Variants in ELSPBP1 observed in about 807,000 individuals in gnomAD.
The protein encoded by ELSPBP1 is epididymal sperm-binding protein 1.
ELSPBP1 carries 38 observed loss-of-function variants against 33.3 expected under a neutral mutation model. The ratio of observed to expected loss-of-function variants is 1.14; its 90% CI spans 0.88 to 1.50. ELSPBP1 has a LOEUF of 1.50. Ranked by LOEUF, ELSPBP1 falls within the 40% of genes most tolerant of loss-of-function variation. The probability of loss-of-function intolerance (pLI) is 0.00; values close to 1 mark genes in which losing one functional copy is unlikely to be tolerated. For synonymous variants in ELSPBP1, 85 were observed against 94.1 expected, an observed-to-expected ratio of 0.90 and a Z score of 0.56; for missense variants, 267 against 263.5, an observed-to-expected ratio of 1.01 and a Z score of -0.09.
intron 2 of ELSPBP1, among the ~76,000 whole-genome samples, 169 bp from the exon 3 acceptor site, chr19:48,014,002 G>A (rs959584760): frequency 2.6e-5 from 4 of 151,700 alleles, no homozygotes; most frequent in African/African-American, 9.8e-5. Flanking sequence ...CCTTCCAAAG[G>A]CCCCTCGTAC....
chr19:48,020,449 T>C (rs913120682), intron 5 of ELSPBP1, among the ~76,000 whole-genome samples: 14 of 152,246 alleles, frequency 9.2e-5, no homozygotes, highest in African/African-American at 3.4e-4. Context: ...AGCATCCCCT[T>C]GTTCCCCCTT....
At chr19:47,996,461 T>A (rs764702391) in intron 1 of ELSPBP1, among the ~76,000 whole-genome samples, 2 of 151,756 alleles carry the variant, frequency 1.3e-5, no homozygotes, top group Non-Finnish European at 2.9e-5. Context: ...GATGAGTGGA[T>A]AGATAGATGG....
chr19:47,999,887 A>G (rs964837141), intron 1 of ELSPBP1, among the ~76,000 whole-genome samples: 10 of 151,048 alleles, frequency 6.6e-5, no homozygotes, highest in African/African-American at 2.4e-4. Flanking sequence ...CAGTGGTGCA[A>G]TCATAGCTCA....
chr19:48,013,716 C>CAA (rs35241354), intron 2 of ELSPBP1, among the ~76,000 whole-genome samples: 22,362 of 134,908 alleles, frequency 0.17, 1,728 homozygotes, highest in South Asian at 0.23. Flanking sequence ...GACTTCATCT[C>CAA]AAAAAAAAAA....
chr19:48,020,935 A>G (rs1388971411), intron 5 of ELSPBP1, among the ~76,000 whole-genome samples: 1 of 151,754 alleles, frequency 6.6e-6, no homozygotes, highest in Non-Finnish European at 1.5e-5. Flanking sequence ...TGTTGTTCCA[A>G]CAACTTGGGA....
chr19:48,015,808 T>C, intron 3 of ELSPBP1, 85 bp from the exon 4 acceptor site: 3 of 1,331,162 alleles, frequency 2.3e-6, no homozygotes, highest in East Asian at 4.7e-5. Flanking sequence ...TGTCCTGTCC[T>C]ATGATGGTTG....
chr19:48,008,744 A>G lies in ELSPBP1; in HGVS notation c.70+7A>G. 4 of 1,612,082 alleles carry G rather than the reference A, an allele frequency of 2.5e-6. No individual in the cohort carries two copies. The highest frequency in any genetic ancestry group is 3.4e-6 in the Non-Finnish European group (4 of 1,178,454). On this transcript the variant is annotated splice_region_variant and intron_variant, in intron 2 of 6. Transcript: ENST00000339841. ...TCCTATGAGTCAAGTGGAGGTAAGG[A>G]CACTCAAAGCAACAGGGAGGATTTA...
chr19:47,999,950 G>A (rs923248757), intron 1 of ELSPBP1, among the ~76,000 whole-genome samples: 3 of 151,654 alleles, frequency 2.0e-5, no homozygotes, highest in Admixed American at 1.3e-4. Flanking sequence ...AGCCTCCTGA[G>A]TAGCTGGGAC....
intron 4 of ELSPBP1, 39 bp downstream of exon 4, chr19:48,016,078 G>A (rs370402838): frequency 5.0e-6 from 8 of 1,606,782 alleles, no homozygotes; most frequent in Non-Finnish European, 6.8e-6. Flanking sequence ...GTGGTGGGAG[G>A]GAGAGTGGAC....
At chr19:48,022,047 T>C (rs1967206240) in intron 5 of ELSPBP1, 123 bp from the exon 6 acceptor site, 1 of 842,466 alleles carries the variant, frequency 1.2e-6, no homozygotes, top group East Asian at 2.6e-5. Flanking sequence ...AATGCTGGGA[T>C]TAAAGGCGCG....
chr19:48,016,099 C>A (rs781097200), intron 4 of ELSPBP1, 60 bp downstream of exon 4: 267 of 1,584,276 alleles, frequency 1.7e-4, no homozygotes, highest in Non-Finnish European at 2.2e-4. Context: ...AGCATGGATC[C>A]TCCTGAGGGG....
chr19:48,001,957 G>A (rs543681520), intron 1 of ELSPBP1, among the ~76,000 whole-genome samples: 1 of 152,174 alleles, frequency 6.6e-6, no homozygotes, highest in African/African-American at 2.4e-5. Flanking sequence ...TCAGCTTCCT[G>A]AAGTGCTGGG....
chr19:48,018,126 T>G (rs1261672766), intron 4 of ELSPBP1, among the ~76,000 whole-genome samples: 1 of 152,160 alleles, frequency 6.6e-6, no homozygotes, highest in Non-Finnish European at 1.5e-5. Context: ...ATTATTTCCT[T>G]TCTATGGATA....
intron 3 of ELSPBP1, 21 bp from the exon 4 acceptor site, chr19:48,015,872 C>T (rs764314012): frequency 9.4e-6 from 15 of 1,590,744 alleles, no homozygotes; most frequent in Non-Finnish European, 1.2e-5. Flanking sequence ...TTAAGACACT[C>T]ACGAACTCTG....
chr19:48,006,638 A>AAAAAAAAAAAAAAAAAAAAG (rs1967022025), intron 1 of ELSPBP1, among the ~76,000 whole-genome samples: 2 of 92,142 alleles, frequency 2.2e-5, no homozygotes, highest in East Asian at 4.5e-4. Context: ...AAAAAAAAAA[A>AAAAAAAAAAAAAAAAAAAAG]AAAAAAAAAG....
Position 48,004,718 on chromosome 19 carries a change from G to A in ELSPBP1, c.-17-3933G>A, listed in dbSNP as rs112958463. Among the ~76,000 whole-genome samples, 9 of 152,284 alleles carry A rather than the reference G, an allele frequency of 5.9e-5. 1 individual carries two copies. The highest frequency in any genetic ancestry group is 1.9e-4 in the African/African-American group (8 of 41,558). On this transcript the variant is annotated intron_variant, in intron 1 of 6. Transcript: ENST00000339841. The stretch of plus-strand genomic sequence containing the variant: ...ACTCGTCCACAGCAATGATCACAGC[G>A]AAGAGTTGTATTTGTTTCTGGTTTC...
chr19:48,021,861 C>T (rs889302389), intron 5 of ELSPBP1, among the ~76,000 whole-genome samples: 3 of 152,094 alleles, frequency 2.0e-5, no homozygotes, highest in Non-Finnish European at 4.4e-5. Context: ...ATCCTCCTGC[C>T]TCAACCTCCC....
rs1165726497 is a variant in ELSPBP1, at chr19:48,011,383, T to C, written c.70+2646T>C. On this transcript the variant is annotated intron_variant, in intron 2 of 6. Transcript: ENST00000339841. The surrounding 1 kb of genome is among the most constrained non-coding windows in gnomAD (Gnocchi z 4.5). ...ATGATGATGATGGTGACAATGATGA[T>C]GACGATGATAATGATGATGTCAATA... 6.6e-6 allele frequency among the ~76,000 whole-genome samples: 1 copy of C among 151,244 alleles called. No individual in the cohort carries two copies. The highest frequency in any genetic ancestry group is 2.0e-4 in the East Asian group (1 of 5,116).
In ELSPBP1 at chr19:48,004,596, C is replaced by T. The variant is rs370960516; in HGVS notation, c.-17-4055C>T. On this transcript the variant is annotated intron_variant, in intron 1 of 6. Coordinates refer to ENST00000339841, the MANE Select transcript of ELSPBP1 (RefSeq NM_022142.5). ...CCAGCTCCTCTCACGTCTCCCTCCTCCATCTGTTCCTCCAGGTGTCAGCTT... is the reference window on the plus strand; with the variant it reads ...CCAGCTCCTCTCACGTCTCCCTCCTTCATCTGTTCCTCCAGGTGTCAGCTT... 1.2e-4 allele frequency among the ~76,000 whole-genome samples: 18 copies of T among 152,312 alleles called. No homozygotes were observed. In the East Asian group the frequency reaches 3.3e-3, roughly 28 times the overall value.
Sources: allele counts gnomAD v4.1 joint callset (sites outside exome capture counted in the v4.1 genomes callset), GRCh38; gene constraint gnomAD v4.1.1; non-coding constraint Gnocchi (gnomAD v3.1); transcripts MANE v1.5; gene names NCBI Gene and HGNC (gene_info 2026-07-23, HGNC 2026-07-21).